Variants in TUSC3 observed in about 807,000 individuals in gnomAD.
TUSC3 encodes tumor suppressor candidate 3.
In TUSC3, 45 loss-of-function variants were observed where a neutral mutation model predicts 44.8. The ratio of observed to expected loss-of-function variants is 1.00; its 90% CI spans 0.79 to 1.29. The LOEUF is 1.29. TUSC3 is among the 50% of genes most tolerant of loss of function. The probability of loss-of-function intolerance (pLI) is 0.00; values close to 1 mark genes in which losing one functional copy is unlikely to be tolerated. For synonymous variants in TUSC3, 212 were observed against 152.9 expected (o/e 1.39, Z -2.85); for missense variants, 519 against 437.9 (o/e 1.19, Z -1.65).
At chr8:15,617,737 A>G (rs1338816637) in intron 1 of TUSC3, among the ~76,000 whole-genome samples, 5 of 152,162 alleles carry the variant, frequency 3.3e-5, no homozygotes, top group Non-Finnish European at 7.3e-5. Flanking sequence ...AGTTATGTTT[A>G]CGTTAGTAAT....
At chr8:15,761,582 T>C (rs1412750944) in intron 10 of TUSC3, among the ~76,000 whole-genome samples, 2 of 152,182 alleles carry the variant, frequency 1.3e-5, no homozygotes, top group African/African-American at 4.8e-5. Flanking sequence ...AATAAGCCAG[T>C]CACAGCAATC....
intron 1 of TUSC3, among the ~76,000 whole-genome samples, chr8:15,476,727 C>T (rs1327832270): frequency 1.3e-5 from 2 of 152,154 alleles, no homozygotes; most frequent in Non-Finnish European, 2.9e-5. Context: ...AGCATAGGGG[C>T]TCAAGAGCCT....
chr8:15,803,568 A>C, the TUSC3 span, among the ~76,000 whole-genome samples: 1 of 152,226 alleles, frequency 6.6e-6, no homozygotes, highest in Non-Finnish European at 1.5e-5. Flanking sequence ...ATTTTACCTT[A>C]AGTTCTGGGA....
chr8:15,651,546 A>ATAAGAC (rs1379617204), intron 3 of TUSC3, among the ~76,000 whole-genome samples: 1 of 152,230 alleles, frequency 6.6e-6, no homozygotes, highest in Non-Finnish European at 1.5e-5. Context: ...TGATGTCCAT[A>ATAAGAC]TAAGACGAGG....
chr8:15,461,211 T>C lies in TUSC3; in HGVS notation n.92-22175T>C, dbSNP rs565204446. 3.3e-5 allele frequency among the ~76,000 whole-genome samples: 5 copies of C among 152,242 alleles called. No homozygotes were observed. The South Asian group carries it at 6.2e-4, about 19-fold the overall frequency. On this transcript the variant is annotated intron_variant and non_coding_transcript_variant, in intron 1 of 5. Coordinates refer to the TUSC3 transcript ENST00000503191. ...GTCTGTGATTTCTTTCAGCATTGTT[T>C]TGTAGTTTTTCTTGTAGAGGTCTTT...
chr8:15,628,530 T>C (rs1334357215), intron 2 of TUSC3, among the ~76,000 whole-genome samples: 1 of 152,144 alleles, frequency 6.6e-6, no homozygotes, highest in Non-Finnish European at 1.5e-5. Context: ...CTTGGAAAAT[T>C]TAATGGGTCA....
intron 3 of TUSC3, among the ~76,000 whole-genome samples, chr8:15,653,241 A>G (rs1273235329): frequency 6.6e-6 from 1 of 152,134 alleles, no homozygotes; most frequent in Non-Finnish European, 1.5e-5. Flanking sequence ...TCAGTGGGAG[A>G]GGCGCAGCTC....
chr8:15,541,971 C>A (rs1386929688), intron 1 of TUSC3, among the ~76,000 whole-genome samples: 1 of 150,696 alleles, frequency 6.6e-6, no homozygotes, highest in African/African-American at 2.4e-5. Context: ...GGTGTGAACC[C>A]CAAAGTATTT....
intron 1 of TUSC3, among the ~76,000 whole-genome samples, chr8:15,586,746 AG>A (rs1020028830): frequency 6.6e-6 from 1 of 152,172 alleles, no homozygotes; most frequent in Admixed American, 6.5e-5. Flanking sequence ...GTGTGGAGCC[AG>A]GGTTGATACC....
chr8:15,491,728 T>G (rs1050509773), intron 2 of TUSC3, among the ~76,000 whole-genome samples: 2 of 152,170 alleles, frequency 1.3e-5, no homozygotes, highest in Non-Finnish European at 2.9e-5. Flanking sequence ...TGTACGATTT[T>G]TGTCTACTAC....
At chr8:15,810,179 C>G in the TUSC3 span, among the ~76,000 whole-genome samples, 4 of 152,116 alleles carry the variant, frequency 2.6e-5, no homozygotes, top group African/African-American at 9.7e-5. Context: ...TCCAGAACAA[C>G]TGAATCAGAA....
At chr8:15,689,283 T>C (rs935131442) in intron 6 of TUSC3, 11 of 349,008 alleles carry the variant, frequency 3.2e-5, no homozygotes, top group Non-Finnish European at 6.2e-5. Flanking sequence ...GCTGCATAAT[T>C]GTCTCTTGGA....
rs190334426 is a variant in TUSC3 at position 15,739,135 on chromosome 8, G to A, written c.863-4403G>A. 2.6e-5 allele frequency among the ~76,000 whole-genome samples: 4 copies of A among 151,280 alleles called. No homozygotes were observed. The East Asian group carries it at 7.7e-4, about 29-fold the overall frequency. ...CGTGAGCCACTGCGCCTGGCCTCTT[G>A]CTTTGTTATTAAGAATTTTTGTCAA... On this transcript the variant is annotated intron_variant, in intron 7 of 10. Transcript: ENST00000503731.
chr8:15,534,332 G>C (rs1335791041), intron 2 of TUSC3, among the ~76,000 whole-genome samples: 1 of 152,098 alleles, frequency 6.6e-6, no homozygotes, highest in Non-Finnish European at 1.5e-5. Context: ...AATTTCTCAT[G>C]GTTAAAATAT....
intron 1 of TUSC3, among the ~76,000 whole-genome samples, chr8:15,618,777 T>C (rs1585159158): frequency 6.6e-6 from 1 of 152,374 alleles, no homozygotes; most frequent in East Asian, 1.9e-4. Context: ...TTTTCATATG[T>C]CTGGCAGCCA....
upstream of TUSC3, among the ~76,000 whole-genome samples, chr8:15,535,953 C>G (rs1801516519): frequency 1.3e-5 from 2 of 152,102 alleles, no homozygotes; most frequent in Non-Finnish European, 1.5e-5. Context: ...GAATGCAGCC[C>G]AATACAAATT....
chr8:15,617,507 A>G (rs62506262), intron 1 of TUSC3, among the ~76,000 whole-genome samples: 29,194 of 152,008 alleles, frequency 0.19, 2,798 homozygotes, highest in South Asian at 0.27. Flanking sequence ...CACAATATGC[A>G]TTCTGGCCCT....
At chr8:15,717,000 A>G (rs1563187638) in intron 6 of TUSC3, among the ~76,000 whole-genome samples, 2 of 152,096 alleles carry the variant, frequency 1.3e-5, no homozygotes, top group African/African-American at 4.8e-5. Flanking sequence ...TTGTTTTAAA[A>G]TATATTGAAG....
At chr8:15,468,380 G>T (rs1319493872) in intron 1 of TUSC3, among the ~76,000 whole-genome samples, 3 of 152,104 alleles carry the variant, frequency 2.0e-5, no homozygotes, top group Non-Finnish European at 4.4e-5. Context: ...TGAGGCAGAT[G>T]GATGAAGTGT....
Sources: allele counts gnomAD v4.1 joint callset (sites outside exome capture counted in the v4.1 genomes callset), GRCh38; gene constraint gnomAD v4.1.1; transcripts MANE v1.5; gene names NCBI Gene and HGNC (gene_info 2026-07-23, HGNC 2026-07-21).